DNAH7: variants seen among roughly 807,000 people sequenced by gnomAD.
DNAH7 encodes axonemal beta dynein heavy chain 7.
In DNAH7, 397 loss-of-function variants were observed where a neutral mutation model predicts 444.6. The ratio of observed to expected loss-of-function variants is 0.89; its 90% CI spans 0.82 to 0.97. The LOEUF (loss-of-function observed/expected upper bound fraction) is 0.97, where lower values mean the gene tolerates loss of function less well. Ranked by LOEUF, DNAH7 falls within the 50% of genes least tolerant of loss-of-function variation. The pLI is 0.00. For synonymous variants in DNAH7, 1,636 were observed against 1,624.4 expected, an observed-to-expected ratio of 1.01 and a Z score of -0.17; for missense variants, 4,902 against 4,800.8, an observed-to-expected ratio of 1.02 and a Z score of -0.62.
intron 12 of DNAH7, among the ~76,000 whole-genome samples, chr2:195,993,784 A>T (rs1246358606): frequency 6.6e-6 from 1 of 152,210 alleles, no homozygotes; most frequent in Non-Finnish European, 1.5e-5. Context: ...CGGCAGTTCC[A>T]TTCCATATTA....
At chr2:195,981,612 T>C (rs1260377126) in intron 15 of DNAH7, among the ~76,000 whole-genome samples, 3 of 152,074 alleles carry the variant, frequency 2.0e-5, no homozygotes, top group African/African-American at 7.2e-5. Flanking sequence ...GCAGAAAAAC[T>C]GACACACAGA....
rs914480566 is a variant in DNAH7 at position 195,897,698 on chromosome 2, T to A, written c.4616A>T (p.Lys1539Ile). The change falls in exon 29 of 65, where the codon AAA becomes ATA. Residue 1539 changes from lysine (K) to isoleucine (I), a missense_variant. Lys to Ile is a moderately radical substitution (Grantham distance 102). Coordinates refer to ENST00000312428, the MANE Select transcript of DNAH7 (RefSeq NM_018897.3). ...LRSIIDVNLP[K>I]FLSHDLPLFE... is the part of the protein sequence containing the mutation. ...GAGTGGTAAATCATGGGATAAAAAT[T>A]TTGGCAGATTTACATCAATGATAGA... 1.2e-6 allele frequency: 2 copies of A among 1,605,512 alleles called. No homozygotes were observed. The highest frequency in any genetic ancestry group is 1.7e-6 in the Non-Finnish European group (2 of 1,175,464).
chr2:195,888,052 T>TA (rs1377521425), intron 33 of DNAH7, among the ~76,000 whole-genome samples: 3 of 152,292 alleles, frequency 2.0e-5, no homozygotes, highest in Admixed American at 2.0e-4. Context: ...CTCTTTTTTT[T>TA]AGAGAGAAAA....
intron 16 of DNAH7, among the ~76,000 whole-genome samples, chr2:195,971,194 T>G (rs930818848): frequency 3.9e-5 from 6 of 152,194 alleles, no homozygotes; most frequent in Non-Finnish European, 8.8e-5. Context: ...AAAGAAAGCA[T>G]GGCTTGCTAT....
intron 12 of DNAH7, among the ~76,000 whole-genome samples, chr2:195,996,454 CT>C (rs1469189060): frequency 4.8e-5 from 7 of 147,022 alleles, no homozygotes; most frequent in African/African-American, 1.8e-4. Context: ...GAGACAGAGT[CT>C]CATTCTGTTG....
rs1559084490 is a variant in DNAH7, at chr2:195,771,835, G to A, written c.11258C>T (p.Ala3753Val). The change falls in exon 61 of 65, where the codon GCT becomes GTT. Residue 3753 changes from alanine (A) to valine (V), a missense_variant. Transcript: ENST00000312428. ...KSSDEVVNEV[A>V]SDILGKLPNN... ...TGGAAGTTTGCCCAAGATGTCACTA[G>A]CGACCTCATTCACTACTTCATCTGA... 6.2e-7 allele frequency: 1 copy of A among 1,614,130 alleles called. No individual in the cohort carries two copies. The highest frequency in any genetic ancestry group is 2.2e-5 in the East Asian group (1 of 44,878).
chr2:195,924,158 G>C (rs112231576), intron 22 of DNAH7, among the ~76,000 whole-genome samples: 1 of 152,078 alleles, frequency 6.6e-6, no homozygotes, highest in East Asian at 1.9e-4. Flanking sequence ...AGTTCTTCCT[G>C]GGGACTGCTA....
intron 40 of DNAH7, among the ~76,000 whole-genome samples, chr2:195,865,745 A>C (rs1700292840): frequency 6.6e-6 from 1 of 152,154 alleles, no homozygotes; most frequent in Non-Finnish European, 1.5e-5. Context: ...CATAACTCTC[A>C]ATGTGACTGG....
chr2:195,827,161 T>C (rs773737389), intron 48 of DNAH7, among the ~76,000 whole-genome samples: 8 of 152,118 alleles, frequency 5.3e-5, no homozygotes, highest in Non-Finnish European at 1.2e-4. Flanking sequence ...GAAAGGTGAG[T>C]GGATGGCAGG....
Position 196,068,753 on chromosome 2 carries a change from C to T in DNAH7, c.-42G>A, listed in dbSNP as rs199672084. On this transcript the variant is annotated 5_prime_UTR_variant, in exon 1 of 65. Coordinates refer to ENST00000312428, the MANE Select transcript of DNAH7 (RefSeq NM_018897.3). The stretch of plus-strand genomic sequence containing the variant: ...TGGCCTCACCGGTGCTTCTGGGTTG[C>T]TCCTGCCCGCGGAACCCCTAGGACG... 1.5e-3 allele frequency: 2,303 copies of T among 1,549,166 alleles called. 4 individuals are homozygous for T. The highest frequency in any genetic ancestry group is 1.9e-3 in the Non-Finnish European group (2,163 of 1,146,492).
chr2:195,831,072 G>T (rs1379974004), intron 48 of DNAH7, among the ~76,000 whole-genome samples: 1 of 152,116 alleles, frequency 6.6e-6, no homozygotes, highest in Non-Finnish European at 1.5e-5. Flanking sequence ...AGTAAGGAAG[G>T]CTCAGATATG....
At position 195,906,728 on chromosome 2, in the gene DNAH7, G is replaced by A; in HGVS notation, c.4266C>T (p.Pro1422=). The change falls in exon 27 of 65, where the codon CCC becomes CCT. Residue 1422 remains proline (P), a synonymous_variant. Transcript: ENST00000312428. ...TCATTGTTATAAAGACAGCACATGT[G>A]GGGTCAAGTTTTAGTTCAGTTCCTT... ...MFEGTELKLD[P]TCAVFITMNP... The A allele has an allele frequency of 1.2e-6, 2 of 1,613,264 alleles. No homozygotes were observed. Among genetic ancestry groups the A allele is most frequent in the Non-Finnish European group, 1.7e-6 (2 of 1,179,506 alleles).
chr2:195,914,407 A>G (rs341933), intron 24 of DNAH7, among the ~76,000 whole-genome samples: 45,886 of 152,146 alleles, frequency 0.3, 9,866 homozygotes, highest in African/African-American at 0.61. Flanking sequence ...ACTGGGTACA[A>G]GGTACAGCTG....
At chr2:195,818,615 A>G (rs1697328371) in intron 49 of DNAH7, among the ~76,000 whole-genome samples, 1 of 152,162 alleles carries the variant, frequency 6.6e-6, no homozygotes, top group South Asian at 2.1e-4. Flanking sequence ...AACGACACTT[A>G]TTGAAAATGT....
At chr2:195,923,460 C>T (rs1056668332) in intron 23 of DNAH7, 135 bp downstream of exon 23, 7 of 737,846 alleles carry the variant, frequency 9.5e-6, no homozygotes, top group East Asian at 8.1e-5. Flanking sequence ...TAAAGAAATG[C>T]TTACTTGGGT....
Position 195,926,429 on chromosome 2 carries a change from T to A in DNAH7, c.3609A>T (p.Ile1203=). 6.4e-7 allele frequency: 1 copy of A among 1,574,570 alleles called. No individual in the cohort carries two copies. Among genetic ancestry groups the A allele is most frequent in the Non-Finnish European group, 8.6e-7 (1 of 1,164,034 alleles). ...CCGAGGGTTAATAAAACCTTACCTT[T>A]ATCCCCATTGGAATAGCTGTTTGTA... ...KEVQTAIPMG[I]KALEQYLKTC... is the part of the protein sequence containing the mutation. The change falls in exon 22 of 65, where the codon ATA becomes ATT. Residue 1203 remains isoleucine (I), a synonymous_variant. Transcript: ENST00000312428.
chr2:195,815,277 T>C (rs1442142547), intron 51 of DNAH7, among the ~76,000 whole-genome samples: 1 of 152,128 alleles, frequency 6.6e-6, no homozygotes, highest in Non-Finnish European at 1.5e-5. Flanking sequence ...AACTCTATCA[T>C]TACGCAATGC....
chr2:195,934,523 A>G, intron 21 of DNAH7, 68 bp downstream of exon 21: 1 of 1,484,138 alleles, frequency 6.7e-7, no homozygotes, highest in Admixed American at 1.8e-5. Context: ...ACATTTATCA[A>G]CAGAATATTT....
intron 62 of DNAH7, among the ~76,000 whole-genome samples, chr2:195,755,251 AAC>A (rs1157680390): frequency 1.3e-5 from 2 of 152,232 alleles, no homozygotes; most frequent in African/African-American, 2.4e-5. Flanking sequence ...ACTTCACTAA[AAC>A]ACAGTAAAAT....
Sources: allele counts gnomAD v4.1 joint callset (sites outside exome capture counted in the v4.1 genomes callset), GRCh38; gene constraint gnomAD v4.1.1; transcripts MANE v1.5; gene names NCBI Gene and HGNC (gene_info 2026-07-23, HGNC 2026-07-21).